Variants in NEU4 observed in about 807,000 individuals in gnomAD.
NEU4 encodes the protein sialidase-4.
A neutral mutation model predicts 9.9 loss-of-function variants in NEU4; 7 were observed. The observed-to-expected ratio is 0.71, with a 90% CI of 0.40 to 1.33. The LOEUF (loss-of-function observed/expected upper bound fraction) is 1.33, where lower values mean the gene tolerates loss of function less well. NEU4 is among the 40% of genes most tolerant of loss of function. NEU4 has a pLI of 0.01. For missense variants in NEU4, 717 were observed against 712.6 expected (o/e 1.01, Z -0.07); for synonymous variants, 348 against 316.9 (o/e 1.10, Z -1.04).
rs1221971168 is a variant in NEU4, at chr2:241,816,254, G to C, written c.661G>C (p.Gly221Arg). Residue 221 changes from glycine to arginine, a missense_variant, in exon 4 of 4, where the codon GGC becomes CGC. Gly to Arg is a moderately radical substitution (Grantham distance 125). Coordinates refer to ENST00000407683, the MANE Select transcript of NEU4 (RefSeq NM_001167600.3). ...AGGCCTCGTGCCCAACCTGCGCTCA[G>C]GCGAGTGCCAGCTGGCAGCGGTGGA... ...CGGLVPNLRS[G>R]ECQLAAVDGG... The C allele has an allele frequency of 1.2e-6, 2 of 1,607,188 alleles. No individual in the cohort carries two copies. Among genetic ancestry groups the C allele is most frequent in the South Asian group, 1.1e-5 (1 of 90,090 alleles).
chr2:241,813,417 C>A, intron 1 of NEU4: 1 of 1,099,936 alleles, frequency 9.1e-7, no homozygotes. Context: ...ACCAGCGTTC[C>A]CACTGTCTGC....
At chr2:241,814,736 G>T in intron 2 of NEU4, 51 bp downstream of exon 2, 1 of 1,515,634 alleles carries the variant, frequency 6.6e-7, no homozygotes. Flanking sequence ...GGATCTGCTG[G>T]GGCTGCACAC....
rs754712142 is a variant in NEU4, at chr2:241,814,652, G to A, written c.168G>A (p.Leu56=). The change falls in exon 2 of 4, where the codon CTG becomes CTA. Residue 56 remains leucine (L), a synonymous_variant. Coordinates refer to ENST00000407683, the MANE Select transcript of NEU4 (RefSeq NM_001167600.3). ...PDDSHAHRLV[L]RRGTLAGGSV... ...ACTCCCACGCCCACCGCCTGGTGCTGAGGAGGGGCACGCTGGCCGGGGGCT... is the reference window on the plus strand; with the variant it reads ...ACTCCCACGCCCACCGCCTGGTGCTAAGGAGGGGCACGCTGGCCGGGGGCT... 13 of 1,578,182 alleles carry A rather than the reference G, an allele frequency of 8.2e-6. No individual in the cohort carries two copies. Among genetic ancestry groups the A allele is most frequent in the South Asian group, 2.3e-5 (2 of 87,404 alleles).
chr2:241,811,343 T>A (rs1700109074), intron 1 of NEU4: 4 of 1,433,532 alleles, frequency 2.8e-6, no homozygotes. Flanking sequence ...GGTCCTGACG[T>A]AGCCCTGAGA....
At chr2:241,811,822 G>A (rs1470432847) in intron 1 of NEU4, 4 of 267,384 alleles carry the variant, frequency 1.5e-5, no homozygotes, top group Non-Finnish European at 2.8e-5. Context: ...CCACAGGGTC[G>A]TTCTGCAGAT....
At chr2:241,811,192 A>T in intron 1 of NEU4, 1 of 1,232,774 alleles carries the variant, frequency 8.1e-7, no homozygotes, top group Non-Finnish European at 1.0e-6. Flanking sequence ...CCGTGTCCTC[A>T]GCACCCCAGT....
chr2:241,813,613 A>C, intron 1 of NEU4: 5 of 1,054,258 alleles, frequency 4.7e-6, no homozygotes, highest in Non-Finnish European at 6.6e-6. Context: ...AACTCCCAGA[A>C]TGGCCGCCGG....
intron 3 of NEU4, 171 bp from the exon 4 acceptor site, chr2:241,815,880 A>G: frequency 1.5e-6 from 1 of 685,382 alleles, no homozygotes; most frequent in Admixed American, 3.0e-5. Context: ...AGGCTTGTTC[A>G]GCCTGGGAGG....
At chr2:241,809,563 C>T (rs1056489807) in intron 1 of NEU4, 1 of 333,390 alleles carries the variant, frequency 3.0e-6, no homozygotes, top group Non-Finnish European at 5.8e-6. Flanking sequence ...GTGGCTTTCA[C>T]CCCACGGGGA....
At chr2:241,815,199 T>TG (rs1383860443) in intron 3 of NEU4, 52 bp downstream of exon 3, 9 of 1,484,900 alleles carry the variant, frequency 6.1e-6, no homozygotes. Flanking sequence ...ACGGTCCACA[T>TG]GGAAGGGAGA....
At chr2:241,812,983 T>A (rs1223679368) in intron 1 of NEU4, among the ~76,000 whole-genome samples, 1 of 152,220 alleles carries the variant, frequency 6.6e-6, no homozygotes, top group African/African-American at 2.4e-5. Context: ...AATTGCCCTT[T>A]GAGAGCAGAG....
chr2:241,814,597 C>A lies in NEU4; in HGVS notation c.113C>A (p.Ala38Asp), dbSNP rs778422156. ...LPVPPGPTLL[A>D]FVEQRLSPDD... is the part of the protein sequence containing the mutation. ...GTGCCCCCCGGGCCCACCCTGCTGG[C>A]CTTTGTGGAGCAGCGGCTCAGCCCT... The change falls in exon 2 of 4, where the codon GCC becomes GAC. Residue 38 changes from alanine (A) to aspartate (D), a missense_variant. Ala to Asp is a moderately radical substitution (Grantham distance 126). Transcript: ENST00000407683. 1 of 1,611,552 alleles carries A rather than the reference C, an allele frequency of 6.2e-7. No individual in the cohort carries two copies. Among genetic ancestry groups the A allele is most frequent in the Admixed American group, 1.7e-5 (1 of 59,878 alleles).
intron 1 of NEU4, chr2:241,809,625 G>A (rs112016888): frequency 5.8e-4 from 148 of 255,680 alleles, no homozygotes; most frequent in African/African-American, 3.2e-3. Context: ...GCCATGGGGT[G>A]ACAGTTGGGG....
At chr2:241,811,511 C>A in intron 1 of NEU4, 1 of 1,441,474 alleles carries the variant, frequency 6.9e-7, no homozygotes, top group Non-Finnish European at 9.2e-7. Flanking sequence ...TCTACCCGGG[C>A]GCCCGGGGTC....
intron 1 of NEU4, chr2:241,811,122 G>A (rs1322497937): frequency 2.8e-5 from 34 of 1,209,034 alleles, no homozygotes; most frequent in Non-Finnish European, 3.3e-5. Context: ...CCTCTGGGAG[G>A]TCAACTGCGG....
chr2:241,816,625 C>T lies in NEU4; in HGVS notation c.1032C>T (p.Pro344=), dbSNP rs918530793. 5.1e-6 allele frequency: 8 copies of T among 1,563,190 alleles called. No individual in the cohort carries two copies. The highest frequency in any genetic ancestry group is 6.9e-6 in the Non-Finnish European group (8 of 1,158,178). The change falls in exon 4 of 4, where the codon CCC becomes CCT. Residue 344 remains proline (P), a synonymous_variant. Transcript: ENST00000407683. ...GTCTGCAGCCTCGGGGGGATGGCCC[C>T]AGGCAGCCTGGCCCCAGGCCTGGGG... The part of the protein sequence containing the change: ...FSRLQPRGDG[P]RQPGPRPGVS...
At chr2:241,813,411 GCGTT>G (rs1700190938) in intron 1 of NEU4, 2 of 1,097,804 alleles carry the variant, frequency 1.8e-6, no homozygotes, top group African/African-American at 3.4e-5. Context: ...TGGAGGACCA[GCGTT>G]CCCACTGTCT....
Position 241,814,702 on chromosome 2 carries a change from G to A in NEU4, c.201+17G>A, listed in dbSNP as rs1700250342. 2.0e-6 allele frequency: 3 copies of A among 1,537,904 alleles called. No homozygotes were observed. Among genetic ancestry groups the A allele is most frequent in the Non-Finnish European group, 2.6e-6 (3 of 1,144,972 alleles). On this transcript the variant is annotated intron_variant, in intron 2 of 3. Coordinates refer to ENST00000407683, the MANE Select transcript of NEU4 (RefSeq NM_001167600.3). ...TCCGTGCGGGTGAGTGAGTGGCCGG[G>A]GGCTCTGTGTGGGTGTAGTGGCCGG...
Position 241,816,698 on chromosome 2 carries a change from G to T in NEU4, c.1105G>T (p.Ala369Ser). Residue 369 changes from alanine to serine, a missense_variant, in exon 4 of 4, where the codon GCT (alanine) becomes TCT (serine). Transcript: ENST00000407683. ...SWTLALPMPF[A>S]APPQSPTWLL... ...GACCCTGGCACTCCCCATGCCCTTT[G>T]CTGCCCCGCCCCAGAGCCCCACGTG... 6.5e-7 allele frequency: 1 copy of T among 1,532,024 alleles called. No homozygotes were observed. The highest frequency in any genetic ancestry group is 8.8e-7 in the Non-Finnish European group (1 of 1,141,940). The allele number at this position is 1,532,024 out of a possible 1,614,324, so 94.9% of individuals were successfully genotyped here.
Sources: allele counts gnomAD v4.1 joint callset (sites outside exome capture counted in the v4.1 genomes callset), GRCh38; gene constraint gnomAD v4.1.1; transcripts MANE v1.5; gene names NCBI Gene and HGNC (gene_info 2026-07-23, HGNC 2026-07-21).